The following ASAP1 variants were observed in gnomAD, a reference collection of about 807,000 sequenced individuals.
ASAP1 encodes ArfGAP with SH3 domain, ankyrin repeat and PH domain 1, also known as arf-GAP with SH3 domain, ANK repeat and PH domain-containing protein 1.
Under a neutral mutation model 145.2 loss-of-function variants are expected in ASAP1, and 43 were observed. The ratio of observed to expected loss-of-function variants is 0.30; its 90% CI spans 0.23 to 0.38. ASAP1 has a LOEUF of 0.38. Ranked by LOEUF, ASAP1 falls within the 10% of genes least tolerant of loss-of-function variation. The pLI is 1.00. For synonymous variants in ASAP1, 546 were observed against 515.5 expected (o/e 1.06, Z -0.80); for missense variants, 1,018 against 1,355.3 (o/e 0.75, Z 3.91).
At chr8:130,363,227 A>G (rs1053793902) in intron 2 of ASAP1, among the ~76,000 whole-genome samples, 1 of 152,220 alleles carries the variant, frequency 6.6e-6, no homozygotes, top group Non-Finnish European at 1.5e-5. Flanking sequence ...ATCTGGAGAT[A>G]TAACTTATGA....
intron 27 of ASAP1, among the ~76,000 whole-genome samples, chr8:130,074,432 A>G (rs751194126): frequency 2.1e-5 from 3 of 146,092 alleles, no homozygotes; most frequent in Non-Finnish European, 3.0e-5. Flanking sequence ...GGAAAATTCC[A>G]AATAGTAAAC....
At chr8:130,115,462 T>C (rs2097553797) in intron 23 of ASAP1, 166 bp downstream of exon 23, 2 of 620,880 alleles carry the variant, frequency 3.2e-6, no homozygotes, top group South Asian at 2.0e-5. Context: ...ACAACCTTAA[T>C]ATAGCTGTTA....
At position 130,358,631 on chromosome 8, in the gene ASAP1, G is replaced by A. The variant is rs1017028999; in HGVS notation, c.60-488C>T. On this transcript the variant is annotated intron_variant, in intron 2 of 29. Coordinates refer to ENST00000518721, the MANE Select transcript of ASAP1 (RefSeq NM_018482.4). The surrounding 1 kb of genome is among the most constrained non-coding windows in gnomAD (Gnocchi z 4.1). Reference sequence around the variant, plus strand: ...TCCCGCGGCGGGCGGGCGGGCGGGCGGCGCTCGCGCTGCAGTCACGGGGCC... The same window carrying A: ...TCCCGCGGCGGGCGGGCGGGCGGGCAGCGCTCGCGCTGCAGTCACGGGGCC... Among the ~76,000 whole-genome samples the A allele has an allele frequency of 1.4e-5, 2 of 147,154 alleles. No homozygotes were observed. The highest frequency in any genetic ancestry group is 4.9e-5 in the African/African-American group (2 of 40,914).
chr8:130,192,856 T>C (rs1412079556), intron 5 of ASAP1, among the ~76,000 whole-genome samples: 1 of 152,132 alleles, frequency 6.6e-6, no homozygotes, highest in Non-Finnish European at 1.5e-5. Context: ...AAATACAGAA[T>C]CATTTGTGTA....
chr8:130,216,538 C>G (rs1262675503), intron 4 of ASAP1, among the ~76,000 whole-genome samples: 1 of 152,158 alleles, frequency 6.6e-6, no homozygotes, highest in Non-Finnish European at 1.5e-5. Flanking sequence ...CTTGAGTGTC[C>G]TCTTGCCTCA....
chr8:130,355,120 C>G (rs1459216716), intron 3 of ASAP1, among the ~76,000 whole-genome samples: 1 of 152,110 alleles, frequency 6.6e-6, no homozygotes, highest in South Asian at 2.1e-4. Flanking sequence ...CTCAAGTGAT[C>G]CACCTGCCTC....
At chr8:130,296,741 C>T (rs1483620940) in intron 3 of ASAP1, among the ~76,000 whole-genome samples, 1 of 151,798 alleles carries the variant, frequency 6.6e-6, no homozygotes, top group Non-Finnish European at 1.5e-5. Context: ...GAGCACAAGG[C>T]CGACTACAGA....
chr8:130,072,825 G>GTGCGCGCGCGCGCA lies in ASAP1; in HGVS notation c.2701+3522_2701+3523insTGCGCGCGCGCGCA. The stretch of plus-strand genomic sequence containing the variant: ...TGTGTGTGTGTGTGTGTGTGTGTGT[G>GTGCGCGCGCGCGCA]CGCGCGGGGGGGGGCAGTTTTGGGG... On this transcript the variant is annotated intron_variant, in intron 27 of 29. Transcript: ENST00000518721. 1.8e-4 allele frequency among the ~76,000 whole-genome samples: 10 copies of GTGCGCGCGCGCGCA among 54,098 alleles called. 2 individuals are homozygous for GTGCGCGCGCGCGCA. The highest frequency in any genetic ancestry group is 9.1e-4 in the African/African-American group (10 of 10,984). 35.5% of individuals were successfully genotyped at this position (54,098 alleles called of 152,430 possible). A position where few individuals can be genotyped will look rare whatever the true frequency, so the allele number is the denominator to read the frequency against.
chr8:130,102,849 G>GT (rs1218661481), intron 24 of ASAP1, among the ~76,000 whole-genome samples: 2 of 152,066 alleles, frequency 1.3e-5, no homozygotes, highest in Non-Finnish European at 2.9e-5. Flanking sequence ...CCGTGCCCAA[G>GT]TAATTTTTTA....
intron 5 of ASAP1, among the ~76,000 whole-genome samples, chr8:130,207,373 G>A (rs975714310): frequency 1.3e-5 from 2 of 152,142 alleles, no homozygotes; most frequent in African/African-American, 4.8e-5. Context: ...TTAAGTACAT[G>A]CTACGAACTG....
chr8:130,402,347 G>T (rs755421774), intron 1 of ASAP1, among the ~76,000 whole-genome samples: 1 of 152,156 alleles, frequency 6.6e-6, no homozygotes, highest in Non-Finnish European at 1.5e-5. Flanking sequence ...GGGTGCCCAC[G>T]AGAAAGCAAA....
chr8:130,159,449 C>T (rs1466954347), intron 12 of ASAP1, among the ~76,000 whole-genome samples: 2 of 150,816 alleles, frequency 1.3e-5, no homozygotes, highest in Non-Finnish European at 2.9e-5. Flanking sequence ...GGTGAAATCT[C>T]GTCTCTAGTA....
At chr8:130,106,573 A>C (rs1045847289) in intron 24 of ASAP1, among the ~76,000 whole-genome samples, 1 of 152,242 alleles carries the variant, frequency 6.6e-6, no homozygotes, top group Non-Finnish European at 1.5e-5. Flanking sequence ...ACCTGTGGAC[A>C]TCTGGTTTAG....
chr8:130,133,573 G>A (rs1431647105), intron 15 of ASAP1, among the ~76,000 whole-genome samples: 3 of 151,986 alleles, frequency 2.0e-5, no homozygotes, highest in South Asian at 2.1e-4. Context: ...GGAGAATGGC[G>A]TGAACCCGGG....
Position 130,161,623 on chromosome 8 carries a change from G to C in ASAP1, c.910-1659C>G, listed in dbSNP as rs896433418. 2.0e-5 allele frequency among the ~76,000 whole-genome samples: 3 copies of C among 151,968 alleles called. No individual in the cohort carries two copies. In the South Asian group the frequency reaches 6.2e-4, roughly 32 times the overall value. ...CAGGCAAGCTGACTCACATTAAAGA[G>C]GTTACAAACTTGAGTTATTTTCTAT... On this transcript the variant is annotated intron_variant, in intron 11 of 29. Coordinates refer to ENST00000518721, the MANE Select transcript of ASAP1 (RefSeq NM_018482.4).
intron 5 of ASAP1, among the ~76,000 whole-genome samples, chr8:130,207,660 T>A (rs979531981): frequency 3.3e-5 from 5 of 152,206 alleles, no homozygotes; most frequent in African/African-American, 1.2e-4. Flanking sequence ...ACAGGCCTCA[T>A]TAAAAATCAA....
At chr8:130,135,090 T>C (rs1445258194) in intron 14 of ASAP1, among the ~76,000 whole-genome samples, 3 of 152,328 alleles carry the variant, frequency 2.0e-5, no homozygotes, top group South Asian at 2.1e-4. Flanking sequence ...TCTTTCTCAA[T>C]ATATTCAGGT....
intron 3 of ASAP1, among the ~76,000 whole-genome samples, chr8:130,287,052 G>A (rs1375333964): frequency 6.6e-6 from 1 of 152,166 alleles, no homozygotes; most frequent in Non-Finnish European, 1.5e-5. Flanking sequence ...TGCTCAGAGA[G>A]GAGCAGTTAG....
At chr8:130,428,101 G>A (rs187812735) in intron 1 of ASAP1, among the ~76,000 whole-genome samples, 2 of 152,090 alleles carry the variant, frequency 1.3e-5, no homozygotes, top group Admixed American at 1.3e-4. Context: ...GCCACCATCT[G>A]AGAGAACTTT....
Sources: gnomAD v4.1 joint callset for allele counts (sites outside exome capture counted in the v4.1 genomes callset) on GRCh38, gnomAD v4.1.1 for gene constraint, Gnocchi (gnomAD v3.1) non-coding constraint, MANE v1.5 for transcripts, NCBI Gene and HGNC (gene_info 2026-07-23, HGNC 2026-07-21) for gene names.